NEK6: variants seen among roughly 807,000 people sequenced by gnomAD.
NEK6 encodes the protein serine/threonine-protein kinase Nek6.
In NEK6, 27 loss-of-function variants were observed where a neutral mutation model predicts 43.5. That is an observed-to-expected ratio of 0.62 (90% CI 0.46 to 0.86). The LOEUF is 0.86. Among genes scored for constraint, NEK6 ranks in the 40% least tolerant of loss-of-function variants. NEK6 has a pLI of 0.00. For synonymous variants in NEK6, 167 were observed against 164.1 expected, an observed-to-expected ratio of 1.02 and a Z score of -0.14; for missense variants, 318 against 414.4, an observed-to-expected ratio of 0.77 and a Z score of 2.02.
chr9:124,261,488 CTG>C, intron 1 of NEK6: 1 of 985,462 alleles, frequency 1.0e-6, no homozygotes, highest in Non-Finnish European at 1.2e-6. Flanking sequence ...GGCTGGGACA[CTG>C]TTCGCAGGAA....
chr9:124,314,043 G>A lies in NEK6; in HGVS notation c.294+58G>A, dbSNP rs371521056. On this transcript the variant is annotated intron_variant, in intron 4 of 9. Coordinates refer to ENST00000320246, the MANE Select transcript of NEK6 (RefSeq NM_014397.6). ...TCCTCGGGGAGGTTCTGGGGCCGCG[G>A]CTGGGCCACATCATGTCCATCACAG... 6 of 1,504,824 alleles carry A rather than the reference G, an allele frequency of 4.0e-6. No homozygotes were observed. The African/African-American group carries it at 6.9e-5, about 17-fold the overall frequency. 93.2% of individuals were successfully genotyped at this position (1,504,824 alleles called of 1,614,324 possible).
chr9:124,340,734 A>G (rs897884073), intron 8 of NEK6, among the ~76,000 whole-genome samples: 3 of 152,206 alleles, frequency 2.0e-5, no homozygotes, highest in African/African-American at 7.2e-5. Flanking sequence ...GGCCGGTGAC[A>G]GTCCACAGCA....
intron 6 of NEK6, among the ~76,000 whole-genome samples, chr9:124,327,005 G>T (rs1834373762): frequency 6.6e-6 from 1 of 152,192 alleles, no homozygotes; most frequent in Non-Finnish European, 1.5e-5. Flanking sequence ...TCATTACGCA[G>T]ATTTTCCCTG....
chr9:124,325,278 CT>C (rs1834278985), intron 5 of NEK6, among the ~76,000 whole-genome samples: 1 of 152,222 alleles, frequency 6.6e-6, no homozygotes, highest in South Asian at 2.1e-4. Flanking sequence ...TTTCGTTTCC[CT>C]GTCTGTAAGA....
intron 1 of NEK6, among the ~76,000 whole-genome samples, chr9:124,289,161 T>C (rs1188496972): frequency 8.7e-6 from 1 of 115,496 alleles, no homozygotes; most frequent in African/African-American, 3.6e-5. Context: ...AAGACTTTGA[T>C]TGGACACCCC....
At chr9:124,298,412 G>T (rs1055267938) in intron 1 of NEK6, among the ~76,000 whole-genome samples, 2 of 152,084 alleles carry the variant, frequency 1.3e-5, no homozygotes, top group African/African-American at 4.8e-5. Flanking sequence ...AATGACTGGG[G>T]TTTGGCAGCA....
rs968528965 is a variant in NEK6 at position 124,343,145 on chromosome 9, G to A, written c.717+3480G>A. 7.9e-5 allele frequency among the ~76,000 whole-genome samples: 12 copies of A among 152,080 alleles called. No homozygotes were observed. Among genetic ancestry groups the A allele is most frequent in the African/African-American group, 2.7e-4 (11 of 41,390 alleles). On this transcript the variant is annotated intron_variant, in intron 8 of 9. Transcript: ENST00000320246. This position sits in a 1 kb window ranked among gnomAD's most constrained non-coding sequence, Gnocchi z 5.1. ...CGCCTTCGTGACTCCCTGGCATTGA[G>A]GCTCGGGTTACGCCGAGCTGACTCA... is the stretch of plus-strand genomic sequence containing the variant.
rs61223297 is a variant in NEK6 at position 124,326,202 on chromosome 9, T to TCCCCCCCCCCCCCCCCCCCCC, written c.406-117_406-116insCCCCCCCCCCCCCCCCCCCCC. ...GCTTATTGTTTGCTCAGTGGCTCAA[T>TCCCCCCCCCCCCCCCCCCCCC]CCCCCCCCCCCGCCCCTGCCAGGCA... On this transcript the variant is annotated intron_variant, in intron 5 of 9. Transcript: ENST00000320246. This position sits in a 1 kb window ranked among gnomAD's most constrained non-coding sequence, Gnocchi z 4.5. 272 of 125,220 alleles carry TCCCCCCCCCCCCCCCCCCCCC rather than the reference T, an allele frequency of 2.2e-3. 56 individuals carry two copies. Among genetic ancestry groups the TCCCCCCCCCCCCCCCCCCCCC allele is most frequent in the South Asian group, 4.1e-3 (63 of 15,398 alleles). 7.8% of individuals were successfully genotyped at this position (125,220 alleles called of 1,614,324 possible).
rs145934334 is a variant in NEK6 at position 124,267,926 on chromosome 9, A to C, written c.-30+9841A>C. Among the ~76,000 whole-genome samples the C allele has an allele frequency of 1.8e-4, 28 of 152,358 alleles. 1 individual carries two copies. The East Asian group carries it at 5.0e-3, about 27-fold the overall frequency. On this transcript the variant is annotated intron_variant, in intron 1 of 9. Coordinates refer to ENST00000320246, the MANE Select transcript of NEK6 (RefSeq NM_014397.6). ...CATTGATCACCTGTAGGTGAGACAC[A>C]TCATGGCCCCACTTTCCAAACTCCC...
In NEK6 at chr9:124,331,929, C is replaced by T. The variant is rs758711685; in HGVS notation, c.622+4484C>T. ...CCTGGGAATGATCCTGTCAGTCCCT[C>T]GGGCCCAGAATCCCTGCCTCAGCAG... On this transcript the variant is annotated intron_variant, in intron 7 of 9. Transcript: ENST00000320246. Among the ~76,000 whole-genome samples the T allele has an allele frequency of 5.9e-5, 9 of 152,342 alleles. No homozygotes were observed. In the East Asian group the frequency reaches 7.7e-4, roughly 13 times the overall value.
At chr9:124,294,091 C>T (rs1255449855) in intron 1 of NEK6, among the ~76,000 whole-genome samples, 1 of 152,220 alleles carries the variant, frequency 6.6e-6, no homozygotes, top group African/African-American at 2.4e-5. Context: ...TATGGCTGGG[C>T]ATGGTGGCTC....
rs567370441 is a variant in NEK6 at position 124,345,520 on chromosome 9, C to T, written c.718-2189C>T. ...CAGAGACATGATGGGAAGTGGATGC[C>T]AGCTTGGGGGCTCAATGCTCCCCTC... On this transcript the variant is annotated intron_variant, in intron 8 of 9. Coordinates refer to ENST00000320246, the MANE Select transcript of NEK6 (RefSeq NM_014397.6). Among the ~76,000 whole-genome samples, 7 of 152,280 alleles carry T rather than the reference C, an allele frequency of 4.6e-5. No individual in the cohort carries two copies. The South Asian group carries it at 1.4e-3, about 32-fold the overall frequency.
Position 124,306,946 on chromosome 9 carries a change from C to T in NEK6, c.90+4892C>T, listed in dbSNP as rs1031880246. On this transcript the variant is annotated intron_variant, in intron 2 of 9. Coordinates refer to ENST00000320246, the MANE Select transcript of NEK6 (RefSeq NM_014397.6). ...AGTGTGCTTTTTAAAATCATAGAAACGGTTGCCTTAAAATTAATGATGCAT... is the reference window on the plus strand; with the variant it reads ...AGTGTGCTTTTTAAAATCATAGAAATGGTTGCCTTAAAATTAATGATGCAT... Among the ~76,000 whole-genome samples the T allele has an allele frequency of 3.9e-5, 6 of 152,000 alleles. 1 individual carries two copies. The highest frequency in any genetic ancestry group is 4.1e-4 in the South Asian group (2 of 4,834).
intron 1 of NEK6, among the ~76,000 whole-genome samples, chr9:124,293,591 G>A (rs570579773): frequency 2.0e-5 from 3 of 152,320 alleles, no homozygotes; most frequent in East Asian, 1.9e-4. Context: ...TGCAGTGTGC[G>A]GCCCAGTTGG....
chr9:124,350,723 C>T (rs1830223040), intron 9 of NEK6, 114 bp from the exon 10 acceptor site: 12 of 758,970 alleles, frequency 1.6e-5, no homozygotes, highest in Non-Finnish European at 2.5e-5. Context: ...ACGGGGACAA[C>T]GGGACCATCT....
chr9:124,299,200 AG>A (rs1253826799), intron 1 of NEK6, among the ~76,000 whole-genome samples: 1 of 152,222 alleles, frequency 6.6e-6, no homozygotes, highest in Non-Finnish European at 1.5e-5. Flanking sequence ...TGGGTCTCGC[AG>A]GGGTGACCTG....
At chr9:124,292,486 TTCCCTGC>T in intron 1 of NEK6, 1 of 1,537,076 alleles carries the variant, frequency 6.5e-7, no homozygotes. Context: ...CTTGAAAGCT[TTCCCTGC>T]ATGGAGGCCA....
At chr9:124,315,309 G>A (rs947781034) in intron 4 of NEK6, among the ~76,000 whole-genome samples, 1 of 152,200 alleles carries the variant, frequency 6.6e-6, no homozygotes, top group African/African-American at 2.4e-5. Flanking sequence ...GTGGATTATG[G>A]GAGGTTGGGG....
At chr9:124,337,258 G>C (rs1039823414) in intron 7 of NEK6, among the ~76,000 whole-genome samples, 1 of 152,222 alleles carries the variant, frequency 6.6e-6, no homozygotes, top group Admixed American at 6.5e-5. Context: ...TGGGAGGTCA[G>C]GGCACAGCCC....
Sources: allele counts gnomAD v4.1 joint callset (sites outside exome capture counted in the v4.1 genomes callset), GRCh38; gene constraint gnomAD v4.1.1; non-coding constraint Gnocchi (gnomAD v3.1); transcripts MANE v1.5; gene names NCBI Gene and HGNC (gene_info 2026-07-23, HGNC 2026-07-21).